Variants in SORCS3 observed in about 807,000 individuals in gnomAD.
SORCS3 encodes sortilin related VPS10 domain containing receptor 3.
Under a neutral mutation model 146.3 loss-of-function variants are expected in SORCS3, and 57 were observed. The ratio of observed to expected loss-of-function variants is 0.39; its 90% CI spans 0.31 to 0.49. The LOEUF (loss-of-function observed/expected upper bound fraction) is 0.49, where lower values mean the gene tolerates loss of function less well. Ranked by LOEUF, SORCS3 falls within the 20% of genes least tolerant of loss-of-function variation. The pLI is 0.92. For missense variants in SORCS3, 1,341 were observed against 1,575.5 expected, an observed-to-expected ratio of 0.85 and a Z score of 2.52; for synonymous variants, 653 against 618.5, an observed-to-expected ratio of 1.06 and a Z score of -0.83.
At chr10:104,700,428 C>A (rs1314939742) in intron 1 of SORCS3, among the ~76,000 whole-genome samples, 1 of 152,088 alleles carries the variant, frequency 6.6e-6, no homozygotes, top group Non-Finnish European at 1.5e-5. Flanking sequence ...TGTGTTCTGG[C>A]AATTTAGAGC....
intron 2 of SORCS3, among the ~76,000 whole-genome samples, chr10:104,846,738 G>A (rs2018210150): frequency 6.6e-6 from 1 of 152,204 alleles, no homozygotes; most frequent in African/African-American, 2.4e-5. Flanking sequence ...GAGTAGTTAT[G>A]TAAATTTGTC....
chr10:105,139,490 C>T lies in SORCS3; in HGVS notation c.1302+4C>T. The stretch of plus-strand genomic sequence containing the variant: ...GCCTAAGTACTCGTTGCCAAAGGTA[C>T]TGCATGCACCACTAGCGGTCCTGGG... On this transcript the variant is annotated splice_donor_region_variant and intron_variant, in intron 8 of 26. Transcript: ENST00000369701. 2 of 1,611,080 alleles carry T rather than the reference C, an allele frequency of 1.2e-6. No individual in the cohort carries two copies. Among genetic ancestry groups the T allele is most frequent in the Non-Finnish European group, 1.7e-6 (2 of 1,177,420 alleles).
chr10:104,698,865 T>C (rs1345318083), intron 1 of SORCS3, among the ~76,000 whole-genome samples: 2 of 152,066 alleles, frequency 1.3e-5, no homozygotes, highest in Non-Finnish European at 2.9e-5. Context: ...GTAGGGTCAC[T>C]GTGGGATGGA....
In SORCS3 at chr10:104,968,507, C is replaced by T. The variant is rs192258270; in HGVS notation, c.796-8828C>T. Among the ~76,000 whole-genome samples the T allele has an allele frequency of 1.7e-3, 263 of 152,244 alleles. 2 individuals carry two copies. The highest frequency in any genetic ancestry group is 3.3e-3 in the Non-Finnish European group (225 of 68,022). On this transcript the variant is annotated intron_variant, in intron 3 of 26. Transcript: ENST00000369701. ...GAGAGCCTATAACCTTAACAATCTGCGAAACCATATTTGAAAAACCCCTCT... is the reference window on the plus strand; with the variant it reads ...GAGAGCCTATAACCTTAACAATCTGTGAAACCATATTTGAAAAACCCCTCT...
Position 105,263,409 on chromosome 10 carries a change from C to CT in SORCS3, c.*40dup. The CT allele has an allele frequency of 6.3e-7, 1 of 1,598,918 alleles. No homozygotes were observed. Among genetic ancestry groups the CT allele is most frequent in the Non-Finnish European group, 8.6e-7 (1 of 1,167,304 alleles). ...GCCACGTGGTCAACCACCTTTCTGACTTTTTATTTTTGATGATTACTATTA... is the reference window on the plus strand; with the variant it reads ...GCCACGTGGTCAACCACCTTTCTGACTTTTTTATTTTTGATGATTACTATTA... On this transcript the variant is annotated 3_prime_UTR_variant, in exon 27 of 27. Coordinates refer to ENST00000369701, the MANE Select transcript of SORCS3 (RefSeq NM_014978.3).
intron 2 of SORCS3, among the ~76,000 whole-genome samples, chr10:104,857,805 C>A (rs1191148411): frequency 6.6e-6 from 1 of 152,158 alleles, no homozygotes; most frequent in African/African-American, 2.4e-5. Flanking sequence ...AATGTAGAGT[C>A]TCCCTAGGGA....
chr10:105,187,255 T>G (rs1482038724), intron 14 of SORCS3, among the ~76,000 whole-genome samples: 1 of 152,212 alleles, frequency 6.6e-6, no homozygotes, highest in Non-Finnish European at 1.5e-5. Flanking sequence ...TTTCAATCTT[T>G]GCCGCTTTCC....
intron 4 of SORCS3, among the ~76,000 whole-genome samples, chr10:105,020,233 C>A (rs74155092): frequency 6.6e-6 from 1 of 152,140 alleles, no homozygotes. Flanking sequence ...ACTGGACATC[C>A]AAGACATGGG....
chr10:104,835,367 A>G (rs2018054944), intron 1 of SORCS3, among the ~76,000 whole-genome samples: 1 of 152,192 alleles, frequency 6.6e-6, no homozygotes, highest in African/African-American at 2.4e-5. Context: ...ACTTGGCTGA[A>G]AGCAAAGAAT....
intron 6 of SORCS3, among the ~76,000 whole-genome samples, chr10:105,093,222 TATGATTCACAACTTATACA>T (rs1164095564): frequency 2.0e-5 from 3 of 152,216 alleles, no homozygotes; most frequent in Admixed American, 1.3e-4. Flanking sequence ...AACTTCAACC[TATGATTCACAACTTATACA>T]ATGATTCACA....
chr10:104,702,748 C>T (rs2016295645), intron 1 of SORCS3, among the ~76,000 whole-genome samples: 1 of 152,154 alleles, frequency 6.6e-6, no homozygotes, highest in Non-Finnish European at 1.5e-5. Context: ...GGTTCAGGTA[C>T]ATGGTCTAGT....
chr10:104,850,547 G>A (rs1053781054), intron 2 of SORCS3, among the ~76,000 whole-genome samples: 1 of 152,184 alleles, frequency 6.6e-6, no homozygotes, highest in Non-Finnish European at 1.5e-5. Flanking sequence ...ATCAGCTACT[G>A]CACTCCAACC....
At chr10:104,755,667 C>T (rs753277586) in intron 1 of SORCS3, among the ~76,000 whole-genome samples, 1 of 152,060 alleles carries the variant, frequency 6.6e-6, no homozygotes, top group Non-Finnish European at 1.5e-5. Flanking sequence ...ATGGTGTGAG[C>T]AAAAACCTAG....
intron 1 of SORCS3, among the ~76,000 whole-genome samples, chr10:104,651,351 T>C (rs569626332): frequency 7.2e-5 from 11 of 152,184 alleles, no homozygotes; most frequent in African/African-American, 2.6e-4. Context: ...AATACTGGAA[T>C]TGCAGGATTG....
intron 2 of SORCS3, among the ~76,000 whole-genome samples, chr10:104,910,029 C>T (rs2018950966): frequency 6.6e-6 from 1 of 152,162 alleles, no homozygotes; most frequent in African/African-American, 2.4e-5. Context: ...CTTCGGAATG[C>T]CTCTGGATGA....
At chr10:105,020,690 C>T (rs2055192953) in intron 4 of SORCS3, among the ~76,000 whole-genome samples, 2 of 152,294 alleles carry the variant, frequency 1.3e-5, no homozygotes, top group South Asian at 4.1e-4. Flanking sequence ...ATGTTTGGCC[C>T]ATGGATCACA....
rs1183026265 is a variant in SORCS3 at position 105,102,780 on chromosome 10, CTTTTTTT to C, written c.1094-2597_1094-2591del. On this transcript the variant is annotated intron_variant, in intron 6 of 26. Coordinates refer to ENST00000369701, the MANE Select transcript of SORCS3 (RefSeq NM_014978.3). The stretch of plus-strand genomic sequence containing the variant: ...TTTTATATTTAAATTACCTCTCAAC[CTTTTTTT>C]TTTTTTTTTTTTTTTTTTTGTGAGA... 4.3e-4 allele frequency among the ~76,000 whole-genome samples: 40 copies of C among 92,518 alleles called. 1 individual carries two copies. The highest frequency in any genetic ancestry group is 9.8e-4 in the Admixed American group (7 of 7,156). 60.7% of individuals were successfully genotyped at this position (92,518 alleles called of 152,430 possible). A position where few individuals can be genotyped will look rare whatever the true frequency, so the allele number is the denominator to read the frequency against.
At chr10:104,936,581 A>G (rs932899174) in intron 3 of SORCS3, among the ~76,000 whole-genome samples, 42 of 152,176 alleles carry the variant, frequency 2.8e-4, no homozygotes, top group African/African-American at 9.7e-4. Flanking sequence ...GTTTGATACT[A>G]TGGGACATCC....
intron 4 of SORCS3, 121 bp from the exon 5 acceptor site, chr10:105,042,934 A>C: frequency 1.3e-6 from 1 of 773,276 alleles, no homozygotes; most frequent in East Asian, 2.5e-5. Context: ...TATCTGGATA[A>C]AATAAATGCC....
Sources: allele counts gnomAD v4.1 joint callset (sites outside exome capture counted in the v4.1 genomes callset), GRCh38; gene constraint gnomAD v4.1.1; transcripts MANE v1.5; gene names NCBI Gene and HGNC (gene_info 2026-07-23, HGNC 2026-07-21).